Variants in GALNT18 observed in about 807,000 individuals in gnomAD.
The protein encoded by GALNT18 is GalNAc-transferase 18.
GALNT18 carries 44 observed loss-of-function variants against 69.5 expected under a neutral mutation model. The ratio of observed to expected loss-of-function variants is 0.63; its 90% CI spans 0.50 to 0.81. The LOEUF (loss-of-function observed/expected upper bound fraction) is 0.81. Ranked by LOEUF, GALNT18 falls within the 40% of genes least tolerant of loss-of-function variation. The probability of loss-of-function intolerance (pLI) is 0.00; values close to 1 mark genes in which losing one functional copy is unlikely to be tolerated. For missense variants in GALNT18, 715 were observed against 810.0 expected (o/e 0.88, Z 1.42); for synonymous variants, 364 against 318.2 (o/e 1.14, Z -1.53).
intron 1 of GALNT18, among the ~76,000 whole-genome samples, chr11:11,599,562 A>T (rs557716154): frequency 3.0e-4 from 46 of 152,130 alleles, no homozygotes; most frequent in Non-Finnish European, 3.2e-4. Context: ...GACAATCTCA[A>T]CATTCTAATT....
At position 11,505,823 on chromosome 11, in the gene GALNT18, C is replaced by T. The variant is rs1011719908; in HGVS notation, c.236-56887G>A. Among the ~76,000 whole-genome samples, 6 of 152,196 alleles carry T rather than the reference C, an allele frequency of 3.9e-5. No homozygotes were observed. The highest frequency in any genetic ancestry group is 1.4e-4 in the African/African-American group (6 of 41,434). ...TTCTTCCCACTGTTTCACATCTGGACCCTTTCCACAGTAAATCCTCTAGCC... is the reference window on the plus strand; with the variant it reads ...TTCTTCCCACTGTTTCACATCTGGATCCTTTCCACAGTAAATCCTCTAGCC... On this transcript the variant is annotated intron_variant, in intron 1 of 10. Coordinates refer to ENST00000227756, the MANE Select transcript of GALNT18 (RefSeq NM_198516.3). This position sits in a 1 kb window ranked among gnomAD's most constrained non-coding sequence, Gnocchi z 4.6.
chr11:11,464,084 G>T (rs1037066930), intron 1 of GALNT18, among the ~76,000 whole-genome samples: 6 of 152,142 alleles, frequency 3.9e-5, no homozygotes, highest in Non-Finnish European at 8.8e-5. Flanking sequence ...TAGTGAATGG[G>T]GTCCCAAGCT....
chr11:11,539,223 C>T (rs1304258757), intron 1 of GALNT18, among the ~76,000 whole-genome samples: 1 of 152,186 alleles, frequency 6.6e-6, no homozygotes, highest in South Asian at 2.1e-4. Context: ...GTAAGGCGCC[C>T]TTCCCAGCAC....
chr11:11,410,691 A>T (rs1854706664), intron 3 of GALNT18, among the ~76,000 whole-genome samples: 1 of 152,086 alleles, frequency 6.6e-6, no homozygotes, highest in Admixed American at 6.5e-5. Context: ...ACTAAGAGGC[A>T]TTTTCCCCTG....
intron 1 of GALNT18, among the ~76,000 whole-genome samples, chr11:11,533,670 G>T (rs1857706693): frequency 6.6e-6 from 1 of 152,210 alleles, no homozygotes; most frequent in East Asian, 1.9e-4. Context: ...AAACGAAACA[G>T]TGTATTCTGG....
At chr11:11,575,573 T>C (rs562905628) in intron 1 of GALNT18, among the ~76,000 whole-genome samples, 1 of 152,286 alleles carries the variant, frequency 6.6e-6, no homozygotes, top group African/African-American at 2.4e-5. Context: ...ACTTCAAAAT[T>C]CCTTTCGGGC....
chr11:11,329,562 T>G (rs1849983849), intron 8 of GALNT18, among the ~76,000 whole-genome samples: 1 of 152,216 alleles, frequency 6.6e-6, no homozygotes, highest in East Asian at 1.9e-4. Flanking sequence ...CCGACCCAAG[T>G]CTGGTATGAG....
In GALNT18 at chr11:11,566,695, C is replaced by A. The variant is rs563847275; in HGVS notation, c.235+54664G>T. Among the ~76,000 whole-genome samples, 4 of 152,248 alleles carry A rather than the reference C, an allele frequency of 2.6e-5. No individual in the cohort carries two copies. The East Asian group carries it at 5.8e-4, about 22-fold the overall frequency. ...GTGAAGGATATACAGATGTTCCTTG[C>A]ATTATTCTTGCAACTTTTTTGTAAA... On this transcript the variant is annotated intron_variant, in intron 1 of 10. Transcript: ENST00000227756.
rs1041048149 is a variant in GALNT18, at chr11:11,604,915, T to C, written c.235+16444A>G. On this transcript the variant is annotated intron_variant, in intron 1 of 10. Coordinates refer to ENST00000227756, the MANE Select transcript of GALNT18 (RefSeq NM_198516.3). The surrounding 1 kb of genome is among the most constrained non-coding windows in gnomAD (Gnocchi z 5.6). ...TCACTGCTCTCCTCGGTTGACCCAC[T>C]GGCTATTGCTCCTGGCCGTGAGTCT... 1.3e-5 allele frequency among the ~76,000 whole-genome samples: 2 copies of C among 152,084 alleles called. No homozygotes were observed. Among genetic ancestry groups the C allele is most frequent in the African/African-American group, 4.8e-5 (2 of 41,408 alleles).
At chr11:11,386,123 T>C (rs1854051268) in intron 3 of GALNT18, among the ~76,000 whole-genome samples, 1 of 152,292 alleles carries the variant, frequency 6.6e-6, no homozygotes, top group Non-Finnish European at 1.5e-5. Context: ...ACAATGTCTG[T>C]TGGTTAAGCC....
At chr11:11,597,923 G>C (rs1859540861) in intron 1 of GALNT18, among the ~76,000 whole-genome samples, 1 of 152,104 alleles carries the variant, frequency 6.6e-6, no homozygotes, top group Non-Finnish European at 1.5e-5. Flanking sequence ...GCCTCCCAAA[G>C]TGCTGGGATT....
rs1859710972 is a variant in GALNT18, at chr11:11,604,866, T to C, written c.235+16493A>G. Among the ~76,000 whole-genome samples, 1 of 152,032 alleles carries C rather than the reference T, an allele frequency of 6.6e-6. No homozygotes were observed. The highest frequency in any genetic ancestry group is 1.5e-5 in the Non-Finnish European group (1 of 68,018). On this transcript the variant is annotated intron_variant, in intron 1 of 10. Transcript: ENST00000227756. The surrounding 1 kb of genome is among the most constrained non-coding windows in gnomAD (Gnocchi z 5.6). ...CACACCCCAAAGGCTACACAATCTG[T>C]TTGAAATGAAAAGGAAAATAAAATC...
At chr11:11,610,648 G>T (rs1023295628) in intron 1 of GALNT18, among the ~76,000 whole-genome samples, 1 of 152,046 alleles carries the variant, frequency 6.6e-6, no homozygotes, top group Admixed American at 6.5e-5. Flanking sequence ...TAAAAGGCCT[G>T]GCCCAGTTAT....
In GALNT18 at chr11:11,494,062, C is replaced by T. The variant is rs956263060; in HGVS notation, c.236-45126G>A. The stretch of plus-strand genomic sequence containing the variant: ...GGGATTGTAAAAGTAGCTCAGAGTG[C>T]TGCTGCAAGGATTTAGTGAAGCCAT... On this transcript the variant is annotated intron_variant, in intron 1 of 10. Coordinates refer to ENST00000227756, the MANE Select transcript of GALNT18 (RefSeq NM_198516.3). This position sits in a 1 kb window ranked among gnomAD's most constrained non-coding sequence, Gnocchi z 5.7. Among the ~76,000 whole-genome samples the T allele has an allele frequency of 6.6e-6, 1 of 152,156 alleles. No homozygotes were observed. The highest frequency in any genetic ancestry group is 6.5e-5 in the Admixed American group (1 of 15,274).
At chr11:11,360,060 T>C (rs1234456211) in intron 6 of GALNT18, among the ~76,000 whole-genome samples, 1 of 152,166 alleles carries the variant, frequency 6.6e-6, no homozygotes, top group Non-Finnish European at 1.5e-5. Context: ...GATAAACATA[T>C]ATATTAAGAC....
chr11:11,462,224 C>T (rs181348953), intron 1 of GALNT18, among the ~76,000 whole-genome samples: 1 of 152,014 alleles, frequency 6.6e-6, no homozygotes, highest in Non-Finnish European at 1.5e-5. Flanking sequence ...GAGGAACTTC[C>T]TAGTCTTGGC....
At chr11:11,498,813 A>G (rs2133895754) in intron 1 of GALNT18, among the ~76,000 whole-genome samples, 1 of 152,318 alleles carries the variant, frequency 6.6e-6, no homozygotes, top group East Asian at 1.9e-4. Context: ...AAATAAATAA[A>G]TAAAAGAAGG....
intron 3 of GALNT18, among the ~76,000 whole-genome samples, chr11:11,431,985 A>T (rs1345288311): frequency 1.3e-5 from 2 of 152,196 alleles, no homozygotes; most frequent in African/African-American, 4.8e-5. Context: ...ACCAGGGAAA[A>T]GGGGTGGCTG....
chr11:11,322,684 TA>T (rs904407178), intron 9 of GALNT18, among the ~76,000 whole-genome samples: 6 of 152,220 alleles, frequency 3.9e-5, no homozygotes, highest in African/African-American at 1.4e-4. Flanking sequence ...AACTCTAATA[TA>T]AAGCTGGGAG....
Sources: gnomAD v4.1 joint callset for allele counts (sites outside exome capture counted in the v4.1 genomes callset) on GRCh38, gnomAD v4.1.1 for gene constraint, Gnocchi (gnomAD v3.1) non-coding constraint, MANE v1.5 for transcripts, NCBI Gene and HGNC (gene_info 2026-07-23, HGNC 2026-07-21) for gene names.